Variants in NUP133 observed in about 807,000 individuals in gnomAD.
NUP133 encodes nucleoporin 133, also known as nuclear pore complex protein Nup133.
A neutral mutation model predicts 146.2 loss-of-function variants in NUP133; 66 were observed. That is an observed-to-expected ratio of 0.45 (90% CI 0.37 to 0.55). The LOEUF (loss-of-function observed/expected upper bound fraction) is 0.55, where lower values mean the gene tolerates loss of function less well. NUP133 is among the 20% of genes least tolerant of loss of function. The probability of loss-of-function intolerance (pLI) is 0.00; values close to 1 mark genes in which losing one functional copy is unlikely to be tolerated. For missense variants in NUP133, 1,277 were observed against 1,374.8 expected (o/e 0.93, Z 1.12); for synonymous variants, 521 against 498.8 (o/e 1.04, Z -0.59).
intron 7 of NUP133, 112 bp from the exon 8 acceptor site, chr1:229,495,677 A>C (rs111737798): frequency 1.8e-5 from 16 of 899,256 alleles, no homozygotes; most frequent in African/African-American, 1.5e-4. Flanking sequence ...GTTGCTGAAT[A>C]ATGTATACAT....
intron 9 of NUP133, among the ~76,000 whole-genome samples, chr1:229,488,732 T>C (rs1375101530): frequency 6.6e-6 from 1 of 150,992 alleles, no homozygotes; most frequent in African/African-American, 2.4e-5. Context: ...ACACCTGTAA[T>C]CCCAGCTACC....
intron 24 of NUP133, among the ~76,000 whole-genome samples, chr1:229,448,181 C>A (rs971725867): frequency 2.6e-5 from 4 of 152,230 alleles, no homozygotes; most frequent in African/African-American, 9.6e-5. Flanking sequence ...GTAATCCCAG[C>A]ATTTTGGGAG....
chr1:229,505,114 C>T (rs922081523), intron 2 of NUP133, among the ~76,000 whole-genome samples: 4 of 152,168 alleles, frequency 2.6e-5, no homozygotes, highest in Admixed American at 6.5e-5. Context: ...AATTCTTCTT[C>T]CAAGTGGCCC....
chr1:229,485,248 C>G (rs1023796925), intron 11 of NUP133, among the ~76,000 whole-genome samples: 1 of 152,140 alleles, frequency 6.6e-6, no homozygotes, highest in Non-Finnish European at 1.5e-5. Context: ...TGGGAAATGG[C>G]CCCGCTGACA....
Position 229,508,162 on chromosome 1 carries a change from G to T in NUP133, c.88C>A (p.Arg30=), listed in dbSNP as rs755927084. The change falls in exon 1 of 26, where the codon CGG becomes AGG. Residue 30 remains arginine (R), a synonymous_variant. Transcript: ENST00000261396. The part of the protein sequence containing the change: ...LAGLGPGSTP[R]TASRKGLPLG... The stretch of plus-strand genomic sequence containing the variant: ...GGCAGACCCTTCCTGCTAGCCGTCC[G>T]GGGCGTGGAGCCGGGCCCGAGTCCG... 6.3e-7 allele frequency: 1 copy of T among 1,593,848 alleles called. No individual in the cohort carries two copies. The highest frequency in any genetic ancestry group is 1.4e-5 in the African/African-American group (1 of 73,774).
Position 229,461,641 on chromosome 1 carries a change from A to C in NUP133, c.2686-872T>G, listed in dbSNP as rs145062553. Among the ~76,000 whole-genome samples, 41 of 152,366 alleles carry C rather than the reference A, an allele frequency of 2.7e-4. 1 individual carries two copies. In the East Asian group the frequency reaches 7.7e-3, roughly 29 times the overall value. On this transcript the variant is annotated intron_variant, in intron 19 of 25. Transcript: ENST00000261396. The stretch of plus-strand genomic sequence containing the variant: ...ATACAATTTAAAAATTACCAGATAT[A>C]GGAAGCAGAAAACTATGATTCAAGC...
At chr1:229,492,386 C>T (rs1661546719) in intron 8 of NUP133, among the ~76,000 whole-genome samples, 1 of 152,046 alleles carries the variant, frequency 6.6e-6, no homozygotes, top group Non-Finnish European at 1.5e-5. Flanking sequence ...GGATTACAGG[C>T]ACGAGCCACT....
chr1:229,460,131 T>TC (rs1214718139), intron 20 of NUP133, among the ~76,000 whole-genome samples: 2 of 152,244 alleles, frequency 1.3e-5, no homozygotes, highest in African/African-American at 4.8e-5. Flanking sequence ...AACATTTTTT[T>TC]CACACATCTA....
chr1:229,452,500 C>A, intron 22 of NUP133, 25 bp downstream of exon 22: 1 of 1,558,308 alleles, frequency 6.4e-7, no homozygotes, highest in Non-Finnish European at 8.8e-7. Context: ...TAAGAAATAG[C>A]GTTAAGGATT....
At chr1:229,502,558 C>CAAAAAAAAAAAA (rs58520087) in intron 2 of NUP133, among the ~76,000 whole-genome samples, 16 of 43,020 alleles carry the variant, frequency 3.7e-4, no homozygotes, top group East Asian at 1.4e-3. Context: ...GACTCCATCT[C>CAAAAAAAAAAAA]AAAAAAAAAA....
chr1:229,450,675 AAAG>A, intron 22 of NUP133, 70 bp from the exon 23 acceptor site: 1 of 726,860 alleles, frequency 1.4e-6, no homozygotes. Context: ...TTTATGGAGA[AAAG>A]AAGTCATTAT....
At chr1:229,506,310 T>TAA (rs201355082) in intron 1 of NUP133, 152 bp from the exon 2 acceptor site, 34 of 443,964 alleles carry the variant, frequency 7.7e-5, no homozygotes, top group Non-Finnish European at 9.7e-5. Context: ...ATTTTTCATG[T>TAA]AAAAAAAAAA....
In NUP133 at chr1:229,493,393, T is replaced by A. The variant is rs559354798; in HGVS notation, c.1046+2102A>T. 2.6e-5 allele frequency among the ~76,000 whole-genome samples: 4 copies of A among 152,270 alleles called. 1 individual carries two copies. In the South Asian group the frequency reaches 8.3e-4, roughly 32 times the overall value. On this transcript the variant is annotated intron_variant, in intron 8 of 25. Transcript: ENST00000261396. ...ATAGGGTCTCGTTTTGTTGCCCAGG[T>A]GATCTTGAACTGCTAGCTTCAAGCA... is the stretch of plus-strand genomic sequence containing the variant.
chr1:229,459,986 A>C (rs1660656240), intron 20 of NUP133, among the ~76,000 whole-genome samples: 1 of 152,140 alleles, frequency 6.6e-6, no homozygotes, highest in South Asian at 2.1e-4. Flanking sequence ...CCAAGAGTGC[A>C]TCAGGGTTCC....
chr1:229,481,423 C>T (rs748946055), intron 12 of NUP133, among the ~76,000 whole-genome samples: 2 of 152,132 alleles, frequency 1.3e-5, no homozygotes, highest in East Asian at 1.9e-4. Context: ...AAGAAGGCCA[C>T]GTGGGCTGGG....
chr1:229,484,241 C>A, intron 11 of NUP133, 96 bp from the exon 12 acceptor site: 1 of 760,700 alleles, frequency 1.3e-6, no homozygotes. Context: ...AGCAACTCCG[C>A]ATATACACGA....
At chr1:229,457,866 T>C (rs1277026159) in intron 21 of NUP133, among the ~76,000 whole-genome samples, 2 of 152,212 alleles carry the variant, frequency 1.3e-5, no homozygotes, top group Non-Finnish European at 2.9e-5. Context: ...GATTGCTTTG[T>C]AGTTCTTTTT....
intron 5 of NUP133, chr1:229,499,079 T>C (rs948082338): frequency 2.3e-6 from 1 of 429,142 alleles, no homozygotes; most frequent in Non-Finnish European, 4.7e-6. Context: ...TTAAATTTTT[T>C]TGTAGAGACA....
At chr1:229,504,270 C>T (rs1167825031) in intron 2 of NUP133, among the ~76,000 whole-genome samples, 1 of 152,102 alleles carries the variant, frequency 6.6e-6, no homozygotes, top group East Asian at 1.9e-4. Context: ...ATATGAGATG[C>T]ATTCTATTTC....
Sources: allele counts gnomAD v4.1 joint callset (sites outside exome capture counted in the v4.1 genomes callset), GRCh38; gene constraint gnomAD v4.1.1; transcripts MANE v1.5; gene names NCBI Gene and HGNC (gene_info 2026-07-23, HGNC 2026-07-21).